The following FSIP1 variants were observed in gnomAD, a reference collection of about 807,000 sequenced individuals.
FSIP1 encodes fibrous sheath interacting protein 1.
In FSIP1, 65 loss-of-function variants were observed where a neutral mutation model predicts 60.9. That is an observed-to-expected ratio of 1.07 (90% confidence interval 0.87 to 1.31). The LOEUF (loss-of-function observed/expected upper bound fraction) is 1.31. Ranked by LOEUF, FSIP1 falls within the 40% of genes most tolerant of loss-of-function variation. The probability of loss-of-function intolerance (pLI) is 0.00; values close to 1 mark genes in which losing one functional copy is unlikely to be tolerated. For synonymous variants in FSIP1, 209 were observed against 221.2 expected (o/e 0.94, Z 0.49); for missense variants, 675 against 665.5 (o/e 1.01, Z -0.16).
chr15:39,674,629 A>C (rs940661711), intron 10 of FSIP1, among the ~76,000 whole-genome samples: 3 of 152,178 alleles, frequency 2.0e-5, no homozygotes, highest in African/African-American at 7.2e-5. Context: ...AGAGATGGTG[A>C]GTTTATGTGA....
At chr15:39,660,509 T>C (rs1406292242) in intron 10 of FSIP1, among the ~76,000 whole-genome samples, 1 of 152,240 alleles carries the variant, frequency 6.6e-6, no homozygotes, top group Non-Finnish European at 1.5e-5. Context: ...ACAATTAGAT[T>C]TCTTCAATCA....
rs955545168 is a variant in FSIP1, at chr15:39,726,842, TACACACACAA to T, written c.892-105_892-96del. On this transcript the variant is annotated intron_variant, in intron 8 of 11. Coordinates refer to ENST00000350221, the MANE Select transcript of FSIP1 (RefSeq NM_152597.5). ...CTATAACAGTGCCCAGGTCTTCACA[TACACACACAA>T]ACACACACACACACACACACAACAC... The T allele has an allele frequency of 2.4e-5, 18 of 760,554 alleles. No homozygotes were observed. The African/African-American group carries it at 3.6e-4, about 15-fold the overall frequency. The allele number at this position is 760,554 out of a possible 1,614,324, so 47.1% of individuals were successfully genotyped here. A position where few individuals can be genotyped will look rare whatever the true frequency, so the allele number is the denominator to read the frequency against.
intron 10 of FSIP1, among the ~76,000 whole-genome samples, chr15:39,661,853 T>A (rs1457591612): frequency 6.6e-6 from 1 of 152,202 alleles, no homozygotes; most frequent in Non-Finnish European, 1.5e-5. Flanking sequence ...GGTTTTAACA[T>A]TACTTGAGGA....
chr15:39,692,791 A>G (rs1320886996), intron 10 of FSIP1, among the ~76,000 whole-genome samples: 1 of 152,202 alleles, frequency 6.6e-6, no homozygotes, highest in Non-Finnish European at 1.5e-5. Context: ...AAGAAAAAAG[A>G]ATGATCTTTG....
At chr15:39,686,684 T>C (rs762111939) in intron 10 of FSIP1, among the ~76,000 whole-genome samples, 4 of 152,278 alleles carry the variant, frequency 2.6e-5, no homozygotes, top group Admixed American at 6.5e-5. Context: ...GTAGAATGTA[T>C]ATCATTTCTT....
chr15:39,601,022 A>G, intron 11 of FSIP1, 96 bp from the exon 12 acceptor site: 1 of 923,346 alleles, frequency 1.1e-6, no homozygotes, highest in Non-Finnish European at 1.7e-6. Context: ...AAATCCCTTT[A>G]CACATGAGGC....
chr15:39,613,374 T>C (rs1891104395), intron 11 of FSIP1, among the ~76,000 whole-genome samples: 1 of 151,898 alleles, frequency 6.6e-6, no homozygotes, highest in African/African-American at 2.4e-5. Context: ...AACAGATTCC[T>C]GGACACATAC....
At chr15:39,631,339 A>G (rs1175670092) in intron 10 of FSIP1, among the ~76,000 whole-genome samples, 1 of 152,192 alleles carries the variant, frequency 6.6e-6, no homozygotes, top group African/African-American at 2.4e-5. Flanking sequence ...TTGTATGACA[A>G]TGGTTTAAGC....
intron 2 of FSIP1, among the ~76,000 whole-genome samples, chr15:39,771,816 G>A (rs971552057): frequency 6.6e-6 from 1 of 152,132 alleles, no homozygotes; most frequent in Non-Finnish European, 1.5e-5. Context: ...TCTGCCAAAT[G>A]CCAGAAAAAG....
chr15:39,610,541 C>G (rs1460372196), intron 11 of FSIP1, among the ~76,000 whole-genome samples: 1 of 152,166 alleles, frequency 6.6e-6, no homozygotes, highest in East Asian at 1.9e-4. Flanking sequence ...TGGTGCGTGC[C>G]TGCAGTCTCA....
chr15:39,774,474 C>CAA (rs201038941), intron 2 of FSIP1, among the ~76,000 whole-genome samples: 12 of 116,308 alleles, frequency 1.0e-4, no homozygotes, highest in East Asian at 6.9e-4. Context: ...GAGCAAGACT[C>CAA]AAAAAAAAAA....
At chr15:39,704,564 G>T (rs1271858736) in intron 10 of FSIP1, among the ~76,000 whole-genome samples, 2 of 152,202 alleles carry the variant, frequency 1.3e-5, no homozygotes, top group African/African-American at 4.8e-5. Context: ...ACAGGCTGAG[G>T]TGTCAGAAGA....
At chr15:39,629,956 G>T in intron 10 of FSIP1, among the ~76,000 whole-genome samples, 1 of 152,190 alleles carries the variant, frequency 6.6e-6, no homozygotes, top group East Asian at 1.9e-4. Context: ...GTGCCATACA[G>T]TTAACTCCAC....
At chr15:39,680,197 CAT>C (rs1444746856) in intron 10 of FSIP1, among the ~76,000 whole-genome samples, 3 of 152,102 alleles carry the variant, frequency 2.0e-5, no homozygotes, top group Non-Finnish European at 2.9e-5. Context: ...TATTAATAAA[CAT>C]CTAGCAATCA....
chr15:39,646,238 G>A (rs1466160339), intron 10 of FSIP1, among the ~76,000 whole-genome samples: 8 of 152,056 alleles, frequency 5.3e-5, no homozygotes, highest in Non-Finnish European at 1.2e-4. Context: ...CCAGTAGAGA[G>A]GAGCTACTCA....
intron 5 of FSIP1, among the ~76,000 whole-genome samples, chr15:39,762,403 T>C (rs1296680142): frequency 1.3e-5 from 2 of 152,172 alleles, no homozygotes; most frequent in Non-Finnish European, 2.9e-5. Context: ...TCTCTTTGTG[T>C]CCTCTCCTCT....
intron 10 of FSIP1, among the ~76,000 whole-genome samples, chr15:39,711,352 G>A (rs1029320615): frequency 2.0e-5 from 3 of 152,042 alleles, no homozygotes; most frequent in Admixed American, 1.3e-4. Flanking sequence ...TCACTCACGA[G>A]GGCTTCACTG....
chr15:39,736,046 T>A (rs974604674), intron 8 of FSIP1, among the ~76,000 whole-genome samples: 4 of 152,222 alleles, frequency 2.6e-5, no homozygotes, highest in Non-Finnish European at 4.4e-5. Flanking sequence ...ACAATTCACT[T>A]TTTTATATGT....
chr15:39,701,434 A>G lies in FSIP1; in HGVS notation c.1188+12010T>C, dbSNP rs572619846. The stretch of plus-strand genomic sequence containing the variant: ...CCCAGGTCTCAGAGGCTAACGTGCT[A>G]TTCTAGAGAAACATATAACAACTTT... On this transcript the variant is annotated intron_variant, in intron 10 of 11. Transcript: ENST00000350221. Among the ~76,000 whole-genome samples, 3 of 152,296 alleles carry G rather than the reference A, an allele frequency of 2.0e-5. No individual in the cohort carries two copies. In the South Asian group the frequency reaches 6.2e-4, roughly 32 times the overall value.
Sources: allele counts gnomAD v4.1 joint callset (sites outside exome capture counted in the v4.1 genomes callset), GRCh38; gene constraint gnomAD v4.1.1; transcripts MANE v1.5; gene names NCBI Gene and HGNC (gene_info 2026-07-23, HGNC 2026-07-21).